Variants in HRH1 observed in about 807,000 individuals in gnomAD.
HRH1 encodes the protein histamine receptor H1, also known as histamine H1 receptor.
Under a neutral mutation model 10.3 loss-of-function variants are expected in HRH1, and 6 were observed. The ratio of observed to expected loss-of-function variants is 0.58; its 90% CI spans 0.32 to 1.15. HRH1 has a LOEUF of 1.15. Among genes scored for constraint, HRH1 ranks in the 50% most tolerant of loss-of-function variants. The probability of loss-of-function intolerance (pLI) is 0.05; values close to 1 mark genes in which losing one functional copy is unlikely to be tolerated. For synonymous variants in HRH1, 242 were observed against 236.7 expected (o/e 1.02, Z -0.21); for missense variants, 514 against 615.3 (o/e 0.84, Z 1.74).
At chr3:11,206,653 G>A (rs969933799) in intron 1 of HRH1, among the ~76,000 whole-genome samples, 2 of 152,254 alleles carry the variant, frequency 1.3e-5, no homozygotes, top group East Asian at 1.9e-4. Context: ...GGACCAAGGC[G>A]CAGAAAGGAA....
intron 1 of HRH1, among the ~76,000 whole-genome samples, chr3:11,169,735 C>T (rs1442032246): frequency 6.6e-6 from 1 of 152,210 alleles, no homozygotes; most frequent in Non-Finnish European, 1.5e-5. Flanking sequence ...CCATCTCCAT[C>T]AAGACGAAGC....
rs775360056 is a variant in HRH1, at chr3:11,259,271, C to T, written c.234C>T (p.Ala78=). 9.3e-6 allele frequency: 15 copies of T among 1,613,318 alleles called. No homozygotes were observed. The highest frequency in any genetic ancestry group is 5.5e-5 in the South Asian group (5 of 91,034). Residue 78 remains alanine (A), a synonymous_variant, in exon 2 of 2, where the codon GCC becomes GCT. Transcript: ENST00000431010. The surrounding 1 kb of genome is among the most constrained non-coding windows in gnomAD (Gnocchi z 4.6). ...CGGTGGCGGACTTGATCGTGGGTGC[C>T]GTCGTCATGCCTATGAACATCCTCT... The part of the protein sequence containing the change: ...SLSVADLIVG[A]VVMPMNILYL...
intron 1 of HRH1, among the ~76,000 whole-genome samples, chr3:11,184,128 G>T (rs1317090267): frequency 6.6e-6 from 1 of 152,060 alleles, no homozygotes; most frequent in Non-Finnish European, 1.5e-5. Flanking sequence ...AAGTCCCCCA[G>T]TCTTGGCCAT....
At chr3:11,210,894 A>G (rs116416010) in intron 1 of HRH1, among the ~76,000 whole-genome samples, 1,765 of 152,282 alleles carry the variant, frequency 0.012, 36 homozygotes, top group African/African-American at 0.04. Flanking sequence ...GCAGTTAGAC[A>G]TGACTCCAGG....
chr3:11,138,180 A>ATTTTTTTTT (rs746775307), intron 1 of HRH1, among the ~76,000 whole-genome samples: 3 of 135,576 alleles, frequency 2.2e-5, no homozygotes, highest in Non-Finnish European at 3.1e-5. Flanking sequence ...ACGTTTGGCT[A>ATTTTTTTTT]TTTTTTTTTT....
chr3:11,218,859 A>G (rs570271390), intron 1 of HRH1, among the ~76,000 whole-genome samples: 1 of 151,524 alleles, frequency 6.6e-6, no homozygotes, highest in Non-Finnish European at 1.5e-5. Context: ...TACAGGCGTG[A>G]GCCACTGTGC....
intron 1 of HRH1, among the ~76,000 whole-genome samples, chr3:11,216,889 A>G (rs1400640211): frequency 6.6e-6 from 1 of 150,650 alleles, no homozygotes; most frequent in East Asian, 2.0e-4. Flanking sequence ...CAAAAAAAAA[A>G]GACCAAAAAA....
chr3:11,206,147 C>T (rs563521707), intron 1 of HRH1, among the ~76,000 whole-genome samples: 4 of 151,422 alleles, frequency 2.6e-5, no homozygotes, highest in African/African-American at 9.7e-5. Context: ...CAGGGTCTTG[C>T]TCTGTCACCC....
At chr3:11,225,008 A>T (rs1938837074) in intron 1 of HRH1, among the ~76,000 whole-genome samples, 1 of 152,204 alleles carries the variant, frequency 6.6e-6, no homozygotes, top group South Asian at 2.1e-4. Context: ...AAAGTAGGCA[A>T]CGTCAAAGTG....
At chr3:11,246,877 C>A (rs1296488907) in intron 1 of HRH1, among the ~76,000 whole-genome samples, 5 of 152,082 alleles carry the variant, frequency 3.3e-5, no homozygotes, top group South Asian at 2.1e-4. Context: ...GAGACCCTCT[C>A]TCTACAGAAA....
intron 1 of HRH1, chr3:11,226,203 C>T (rs990752987): frequency 6.6e-6 from 1 of 151,998 alleles, no homozygotes; most frequent in Non-Finnish European, 1.5e-5. Flanking sequence ...CCGGCACCCT[C>T]CCTCCGTTTC....
intron 1 of HRH1, among the ~76,000 whole-genome samples, chr3:11,175,277 A>G (rs1937228620): frequency 6.6e-6 from 1 of 152,254 alleles, no homozygotes; most frequent in African/African-American, 2.4e-5. Context: ...AAGGATCAGC[A>G]AGATTATTCA....
chr3:11,220,192 C>T (rs1575022820), intron 1 of HRH1, among the ~76,000 whole-genome samples: 1 of 152,086 alleles, frequency 6.6e-6, no homozygotes, highest in Admixed American at 6.6e-5. Context: ...TATCAATCCC[C>T]TAACACCACG....
chr3:11,259,579 A>G lies in HRH1; in HGVS notation c.542A>G (p.Glu181Gly). The G allele has an allele frequency of 1.2e-6, 2 of 1,614,022 alleles. No individual in the cohort carries two copies. Among genetic ancestry groups the G allele is most frequent in the Non-Finnish European group, 1.7e-6 (2 of 1,179,994 alleles). The change falls in exon 2 of 2, where the codon GAG becomes GGG. Residue 181 changes from glutamate (E) to glycine (G), a missense_variant. Transcript: ENST00000431010. The surrounding 1 kb of genome is among the most constrained non-coding windows in gnomAD (Gnocchi z 4.6). Reference sequence around the variant, plus strand: ...TCGGTGCGCCGAGAGGACAAGTGTGAGACAGACTTCTATGATGTCACCTGG... The same window carrying G: ...TCGGTGCGCCGAGAGGACAAGTGTGGGACAGACTTCTATGATGTCACCTGG... Reference protein sequence around the residue: ...QTSVRREDKCETDFYDVTWFK... With the variant: ...QTSVRREDKCGTDFYDVTWFK...
intron 1 of HRH1, among the ~76,000 whole-genome samples, chr3:11,179,769 C>CTTT (rs777856916): frequency 3.8e-5 from 5 of 131,568 alleles, no homozygotes; most frequent in Admixed American, 7.5e-5. Context: ...GTGTGTGTGG[C>CTTT]TTTTTTTTTT....
chr3:11,182,376 T>C (rs1427409890), intron 1 of HRH1, among the ~76,000 whole-genome samples: 2 of 152,242 alleles, frequency 1.3e-5, no homozygotes, highest in Admixed American at 6.5e-5. Context: ...CTAGATTAAA[T>C]ACAAAGTACG....
intron 1 of HRH1, among the ~76,000 whole-genome samples, chr3:11,205,007 TG>T (rs1938065842): frequency 6.6e-6 from 1 of 152,202 alleles, no homozygotes; most frequent in African/African-American, 2.4e-5. Context: ...GAGAGAAACG[TG>T]GGGTCTGGTA....
At chr3:11,210,090 C>G (rs971374588) in intron 1 of HRH1, among the ~76,000 whole-genome samples, 1 of 152,152 alleles carries the variant, frequency 6.6e-6, no homozygotes, top group African/African-American at 2.4e-5. Flanking sequence ...GTTTTTATAT[C>G]TCTTATGTGG....
intron 1 of HRH1, 148 bp from the exon 2 acceptor site, chr3:11,258,855 A>G: frequency 1.8e-6 from 1 of 557,120 alleles, no homozygotes. Context: ...TGCATGAATA[A>G]GGAAAAGGGT....
Sources: allele counts gnomAD v4.1 joint callset (sites outside exome capture counted in the v4.1 genomes callset), GRCh38; gene constraint gnomAD v4.1.1; non-coding constraint Gnocchi (gnomAD v3.1); transcripts MANE v1.5; gene names NCBI Gene and HGNC (gene_info 2026-07-23, HGNC 2026-07-21).